The following EYS variants were observed in gnomAD, a reference collection of about 807,000 sequenced individuals.
EYS encodes protein eyes shut homolog.
A neutral mutation model predicts 282.1 loss-of-function variants in EYS; 250 were observed. The ratio of observed to expected loss-of-function variants is 0.89; its 90% CI spans 0.80 to 0.98. The LOEUF is 0.98. EYS is among the 50% of genes least tolerant of loss of function. The pLI is 0.00. For synonymous variants in EYS, 1,355 were observed against 1,282.9 expected (o/e 1.06, Z -1.20); for missense variants, 4,016 against 3,709.0 (o/e 1.08, Z -2.15).
At chr6:65,562,016 A>G (rs1769079132) in intron 2 of EYS, among the ~76,000 whole-genome samples, 1 of 151,372 alleles carries the variant, frequency 6.6e-6, no homozygotes, top group Admixed American at 6.6e-5. Flanking sequence ...TGTATATTAT[A>G]TAAACATGCT....
intron 1 of EYS, among the ~76,000 whole-genome samples, chr6:65,664,525 G>T (rs1012324193): frequency 6.6e-6 from 1 of 152,136 alleles, no homozygotes; most frequent in African/African-American, 2.4e-5. Context: ...GTCTAGAGGA[G>T]TCAGAGGGAA....
intron 22 of EYS, among the ~76,000 whole-genome samples, chr6:64,752,898 T>A (rs1772808921): frequency 6.6e-6 from 1 of 152,090 alleles, no homozygotes; most frequent in Non-Finnish European, 1.5e-5. Flanking sequence ...AATGGATACA[T>A]TCCTGGAAAC....
intron 12 of EYS, among the ~76,000 whole-genome samples, chr6:65,104,792 A>T (rs1218501785): frequency 6.6e-6 from 1 of 151,598 alleles, no homozygotes; most frequent in Non-Finnish European, 1.5e-5. Context: ...TATCAAGGTT[A>T]TATTTTCTTT....
chr6:64,674,765 T>C (rs9360023), intron 22 of EYS, among the ~76,000 whole-genome samples: 2 of 150,134 alleles, frequency 1.3e-5, no homozygotes, highest in African/African-American at 4.9e-5. Flanking sequence ...CATATATACA[T>C]ACACACACAC....
intron 34 of EYS, among the ~76,000 whole-genome samples, chr6:63,985,940 G>A (rs910760525): frequency 6.6e-6 from 1 of 151,638 alleles, no homozygotes; most frequent in Non-Finnish European, 1.5e-5. Context: ...CTAATTAAAC[G>A]TGAGAACTTC....
chr6:65,506,756 G>A (rs1275897231), intron 2 of EYS, among the ~76,000 whole-genome samples: 1 of 151,780 alleles, frequency 6.6e-6, no homozygotes, highest in African/African-American at 2.4e-5. Context: ...ACAGGCATGA[G>A]CCATCACACC....
At chr6:64,342,365 T>A (rs982742671) in intron 29 of EYS, among the ~76,000 whole-genome samples, 2 of 151,956 alleles carry the variant, frequency 1.3e-5, no homozygotes. Context: ...ACAGCTGATC[T>A]CTCCACAGAA....
chr6:64,656,475 T>C (rs1490158188), intron 22 of EYS, among the ~76,000 whole-genome samples: 3 of 152,122 alleles, frequency 2.0e-5, no homozygotes, highest in Non-Finnish European at 4.4e-5. Context: ...GAAACAGACC[T>C]TGAGCAAAAA....
intron 26 of EYS, among the ~76,000 whole-genome samples, chr6:64,441,045 T>G (rs769058850): frequency 3.6e-4 from 55 of 152,266 alleles, no homozygotes; most frequent in Non-Finnish European, 6.8e-4. Context: ...GGTGAAAGAA[T>G]GGTAAAATCA....
chr6:65,400,933 C>G (rs963941977), intron 7 of EYS, among the ~76,000 whole-genome samples: 3 of 151,908 alleles, frequency 2.0e-5, no homozygotes, highest in African/African-American at 7.2e-5. Flanking sequence ...CCAAGCTCAT[C>G]TTGACTAATA....
chr6:64,211,470 C>T (rs886349200), intron 31 of EYS, among the ~76,000 whole-genome samples: 2 of 151,754 alleles, frequency 1.3e-5, no homozygotes, highest in African/African-American at 2.4e-5. Context: ...GTGTCAGTCA[C>T]TCAATCTCAT....
At position 65,497,345 on chromosome 6, in the gene EYS, G is replaced by A. The variant is rs577454315; in HGVS notation, c.-332-1352C>T. ...CTAACAGTCTGAGACATGTAGCAAG[G>A]ACATTTAGTCCAATCCAGGAAACAA... On this transcript the variant is annotated intron_variant, in intron 2 of 42. Coordinates refer to ENST00000503581, the MANE Select transcript of EYS (RefSeq NM_001142800.2). Among the ~76,000 whole-genome samples, 135 of 152,132 alleles carry A rather than the reference G, an allele frequency of 8.9e-4. 2 individuals carry two copies. The highest frequency in any genetic ancestry group is 2.6e-3 in the African/African-American group (109 of 41,554).
At chr6:64,152,721 C>A (rs1262483911) in intron 31 of EYS, among the ~76,000 whole-genome samples, 2 of 152,100 alleles carry the variant, frequency 1.3e-5, no homozygotes, top group Non-Finnish European at 2.9e-5. Flanking sequence ...TAGAGAGTCA[C>A]CTTTCTGAGT....
intron 36 of EYS, among the ~76,000 whole-genome samples, chr6:63,813,615 T>C (rs1035352162): frequency 2.6e-5 from 4 of 152,170 alleles, no homozygotes; most frequent in Non-Finnish European, 5.9e-5. Flanking sequence ...TTTTTGGAGT[T>C]CATTGCTGTT....
intron 16 of EYS, 88 bp from the exon 17 acceptor site, chr6:64,902,588 C>T (rs1273790389): frequency 1.4e-6 from 1 of 690,324 alleles, no homozygotes; most frequent in African/African-American, 1.9e-5. Context: ...AGAATACACT[C>T]ATAATGGAGG....
At chr6:63,915,593 T>C (rs1429484146) in intron 35 of EYS, among the ~76,000 whole-genome samples, 1 of 152,230 alleles carries the variant, frequency 6.6e-6, no homozygotes, top group African/African-American at 2.4e-5. Flanking sequence ...ATTCCTCTGA[T>C]GGACTAGGCA....
At chr6:64,402,018 T>G (rs1261274127) in intron 28 of EYS, among the ~76,000 whole-genome samples, 1 of 152,158 alleles carries the variant, frequency 6.6e-6, no homozygotes, top group East Asian at 1.9e-4. Flanking sequence ...TGTCAGTCTC[T>G]TAGTTATCTT....
intron 19 of EYS, among the ~76,000 whole-genome samples, chr6:64,833,100 A>C (rs540961340): frequency 3.2e-4 from 48 of 151,976 alleles, no homozygotes; most frequent in African/African-American, 1.1e-3. Flanking sequence ...TAATGCACAC[A>C]ACTCTGTTTC....
chr6:64,728,627 G>A (rs1344410524), intron 22 of EYS, among the ~76,000 whole-genome samples: 1 of 152,108 alleles, frequency 6.6e-6, no homozygotes, highest in Non-Finnish European at 1.5e-5. Flanking sequence ...GAGCCACCGC[G>A]ACCAGCCATG....
Sources: gnomAD v4.1 joint callset for allele counts (sites outside exome capture counted in the v4.1 genomes callset) on GRCh38, gnomAD v4.1.1 for gene constraint, MANE v1.5 for transcripts, NCBI Gene and HGNC (gene_info 2026-07-23, HGNC 2026-07-21) for gene names.